PRDM2: variants seen among roughly 807,000 people sequenced by gnomAD.
PRDM2 encodes the protein PR domain zinc finger protein 2.
A neutral mutation model predicts 130.0 loss-of-function variants in PRDM2; 30 were observed. The ratio of observed to expected loss-of-function variants is 0.23; its 90% CI spans 0.17 to 0.31. The LOEUF (loss-of-function observed/expected upper bound fraction) is 0.31, where lower values mean the gene tolerates loss of function less well. Ranked by LOEUF, PRDM2 falls within the 10% of genes least tolerant of loss-of-function variation. The pLI is 1.00. For synonymous variants in PRDM2, 871 were observed against 782.4 expected, an observed-to-expected ratio of 1.11 and a Z score of -1.89; for missense variants, 2,011 against 2,108.4, an observed-to-expected ratio of 0.95 and a Z score of 0.90.
chr1:13,788,636 C>G (rs1422528193), intron 8 of PRDM2, among the ~76,000 whole-genome samples: 2 of 152,156 alleles, frequency 1.3e-5, no homozygotes, highest in Non-Finnish European at 2.9e-5. Context: ...GATATTCCTC[C>G]CTTAGAAAAA....
intron 1 of PRDM2, among the ~76,000 whole-genome samples, chr1:13,701,850 C>T (rs1218839195): frequency 6.6e-6 from 1 of 152,118 alleles, no homozygotes; most frequent in African/African-American, 2.4e-5. Context: ...TAATACTGCT[C>T]AGTAAATGTT....
rs942081970 is a variant in PRDM2 at position 13,744,872 on chromosome 1, G to A, written c.384+2715G>A. Among the ~76,000 whole-genome samples the A allele has an allele frequency of 2.0e-5, 3 of 152,228 alleles. No individual in the cohort carries two copies. In the East Asian group the frequency reaches 5.8e-4, roughly 29 times the overall value. ...TCTATTCTTCTAGATTAAGTGTCCC[G>A]TGGGTTAGGCTTTGTGAAGAAATTA... is the stretch of plus-strand genomic sequence containing the variant. On this transcript the variant is annotated intron_variant, in intron 5 of 9. Transcript: ENST00000311066.
Position 13,788,205 on chromosome 1 carries a change from C to T in PRDM2, c.5036+5374C>T, listed in dbSNP as rs142488371. 190 of 704,766 alleles carry T rather than the reference C, an allele frequency of 2.7e-4. 1 individual carries two copies. The African/African-American group carries it at 2.9e-3, about 11-fold the overall frequency. The allele number at this position is 704,766 out of a possible 1,614,324, so 43.7% of individuals were successfully genotyped here. A position where few individuals can be genotyped will look rare whatever the true frequency, so the allele number is the denominator to read the frequency against. Reference sequence around the variant, plus strand: ...TGCGGCGTCTACTCAGCCCACCTGGCGTCTGTTCACTTGTTTCTATTTGAC... The same window carrying T: ...TGCGGCGTCTACTCAGCCCACCTGGTGTCTGTTCACTTGTTTCTATTTGAC... On this transcript the variant is annotated intron_variant, in intron 8 of 9. Coordinates refer to ENST00000311066, the MANE Select transcript of PRDM2 (RefSeq NM_001393986.1).
At chr1:13,756,283 T>C (rs1375111880) in intron 6 of PRDM2, among the ~76,000 whole-genome samples, 1 of 148,018 alleles carries the variant, frequency 6.8e-6, no homozygotes, top group African/African-American at 2.5e-5. Flanking sequence ...AAAAAAAGAA[T>C]TGAGGGCTTG....
rs1367586075 is a variant in PRDM2, at chr1:13,774,202, T to C, written c.622+1014T>C. Among the ~76,000 whole-genome samples, 9 of 152,346 alleles carry C rather than the reference T, an allele frequency of 5.9e-5. No homozygotes were observed. In the East Asian group the frequency reaches 1.7e-3, roughly 29 times the overall value. Reference sequence around the variant, plus strand: ...AGAAAGACAGCTTGCCCTCTGCTCATTGCAGTTGGGCCACCATATTGAGAC... The same window carrying C: ...AGAAAGACAGCTTGCCCTCTGCTCACTGCAGTTGGGCCACCATATTGAGAC... On this transcript the variant is annotated intron_variant, in intron 7 of 9. Transcript: ENST00000311066.
chr1:13,770,523 AT>A (rs201815019), intron 6 of PRDM2, among the ~76,000 whole-genome samples: 1 of 149,798 alleles, frequency 6.7e-6, no homozygotes, highest in Non-Finnish European at 1.5e-5. Flanking sequence ...AAATCTTTGC[AT>A]TTTTTTTTGC....
intron 6 of PRDM2, among the ~76,000 whole-genome samples, chr1:13,750,114 A>G (rs901818036): frequency 2.0e-5 from 3 of 152,208 alleles, no homozygotes; most frequent in Admixed American, 6.5e-5. Flanking sequence ...TTTTGACTCA[A>G]TTCTCATAGT....
intron 6 of PRDM2, among the ~76,000 whole-genome samples, chr1:13,751,773 T>C (rs796486222): frequency 2.6e-4 from 39 of 152,332 alleles, no homozygotes; most frequent in African/African-American, 9.4e-4. Context: ...GAATTCTTCA[T>C]AGTTCTGGAC....
intron 9 of PRDM2, 145 bp downstream of exon 9, chr1:13,816,715 G>T: frequency 1.7e-6 from 2 of 1,143,940 alleles, no homozygotes; most frequent in Non-Finnish European, 2.4e-6. Context: ...CCTCCCTCCA[G>T]GAGGGCACTT....
chr1:13,747,194 AT>A (rs1643636936), intron 5 of PRDM2, among the ~76,000 whole-genome samples: 1 of 152,190 alleles, frequency 6.6e-6, no homozygotes, highest in Non-Finnish European at 1.5e-5. Flanking sequence ...CAGTGGGGGA[AT>A]ATATGGGGAA....
At position 13,779,466 on chromosome 1, in the gene PRDM2, C is replaced by T. The variant is rs201686733; in HGVS notation, c.1671C>T (p.Asp557=). The T allele has an allele frequency of 2.7e-5, 43 of 1,614,146 alleles. No individual in the cohort carries two copies. The change falls in exon 8 of 10, where the codon GAC becomes GAT. Residue 557 remains aspartate (D), a synonymous_variant. Coordinates refer to ENST00000311066, the MANE Select transcript of PRDM2 (RefSeq NM_001393986.1). This position sits in a 1 kb window ranked among gnomAD's most constrained non-coding sequence, Gnocchi z 4.9. Reference sequence around the variant, plus strand: ...AAGCAGATGATGTGTACATCATGGACATTTCTAGCAATATCTCTGAAAACT... The same window carrying T: ...AAGCAGATGATGTGTACATCATGGATATTTCTAGCAATATCTCTGAAAACT... ...EGEADDVYIM[D]ISSNISENLN... is the part of the protein sequence containing the mutation.
At chr1:13,802,223 G>A (rs1029268973) in intron 8 of PRDM2, among the ~76,000 whole-genome samples, 2 of 152,170 alleles carry the variant, frequency 1.3e-5, no homozygotes, top group Non-Finnish European at 2.9e-5. Context: ...AACAACACCC[G>A]TTCAGGCACC....
chr1:13,767,051 C>A (rs537080043), intron 6 of PRDM2, among the ~76,000 whole-genome samples: 1 of 152,220 alleles, frequency 6.6e-6, no homozygotes, highest in African/African-American at 2.4e-5. Flanking sequence ...AACTCATATC[C>A]CAGGCATCAG....
At chr1:13,756,634 T>A (rs1255784094) in intron 6 of PRDM2, among the ~76,000 whole-genome samples, 1 of 152,244 alleles carries the variant, frequency 6.6e-6, no homozygotes, top group African/African-American at 2.4e-5. Context: ...CCACCCAGAT[T>A]AAACCAGTTT....
intron 4 of PRDM2, chr1:13,738,913 A>C (rs1643352449): frequency 6.6e-6 from 1 of 151,834 alleles, no homozygotes; most frequent in African/African-American, 2.4e-5. Context: ...TAACTGAAAC[A>C]CAACTGGAAT....
At position 13,732,836 on chromosome 1, in the gene PRDM2, A is replaced by G. The variant is rs950949806; in HGVS notation, c.185A>G (p.Asp62Gly). The G allele has an allele frequency of 5.6e-6, 9 of 1,609,064 alleles. No individual in the cohort carries two copies. Among genetic ancestry groups the G allele is most frequent in the African/African-American group, 1.3e-5 (1 of 74,700 alleles). ...AAAAAATTTGGGCCATTTGTTGGTGATAAGAAAAAAAGATCTCAGGTTAAG... is the reference window on the plus strand; with the variant it reads ...AAAAAATTTGGGCCATTTGTTGGTGGTAAGAAAAAAAGATCTCAGGTTAAG... Reference protein sequence around the residue: ...KGKKFGPFVGDKKKRSQVKNN... With the variant: ...KGKKFGPFVGGKKKRSQVKNN... The change falls in exon 4 of 10, where the codon GAT (aspartate) becomes GGT (glycine). Residue 62 changes from aspartate (D) to glycine (G), a missense_variant. Asp to Gly is a moderately conservative substitution (Grantham distance 94, BLOSUM62 -1). This residue lies in a region of PRDM2 where 79 missense variants were observed against 93.6 expected (regional missense o/e 0.84). Coordinates refer to ENST00000311066, the MANE Select transcript of PRDM2 (RefSeq NM_001393986.1).
chr1:13,813,887 G>A (rs1235217493), intron 8 of PRDM2, among the ~76,000 whole-genome samples: 1 of 152,216 alleles, frequency 6.6e-6, no homozygotes, highest in Non-Finnish European at 1.5e-5. Context: ...CACACTGGCT[G>A]GCTAGAGAGG....
chr1:13,778,829 G>T lies in PRDM2; in HGVS notation c.1034G>T (p.Arg345Ile). 6.2e-7 allele frequency: 1 copy of T among 1,614,140 alleles called. No individual in the cohort carries two copies. Among genetic ancestry groups the T allele is most frequent in the Non-Finnish European group, 8.5e-7 (1 of 1,180,022 alleles). ...SEVTPAMQIPRTKEEANGDVF... is the reference protein window; with the variant it reads ...SEVTPAMQIPITKEEANGDVF... ...GTAACACCTGCCATGCAAATCCCCAGAACTAAAGAAGAGGCCAATGGTGAT... is the reference window on the plus strand; with the variant it reads ...GTAACACCTGCCATGCAAATCCCCATAACTAAAGAAGAGGCCAATGGTGAT... Residue 345 changes from arginine to isoleucine, a missense_variant, in exon 8 of 10, where the codon AGA becomes ATA. By Grantham distance (97) the Arg-to-Ile change is moderately conservative (BLOSUM62 -3). Coordinates refer to ENST00000311066, the MANE Select transcript of PRDM2 (RefSeq NM_001393986.1).
chr1:13,749,217 C>A, intron 5 of PRDM2, 144 bp from the exon 6 acceptor site: 1 of 738,476 alleles, frequency 1.4e-6, no homozygotes, highest in Non-Finnish European at 1.7e-6. Flanking sequence ...GGCCGGGAGC[C>A]CTTCCTGCCG....
Sources: allele counts gnomAD v4.1 joint callset (sites outside exome capture counted in the v4.1 genomes callset), GRCh38; gene constraint gnomAD v4.1.1; regional missense constraint gnomAD v4.1.1; non-coding constraint Gnocchi (gnomAD v3.1); transcripts MANE v1.5; gene names NCBI Gene and HGNC (gene_info 2026-07-23, HGNC 2026-07-21).